Variants in TMEM218 observed in about 807,000 individuals in gnomAD.
TMEM218 encodes transmembrane protein 218.
In TMEM218, 8 loss-of-function variants were observed where a neutral mutation model predicts 10.0. That is an observed-to-expected ratio of 0.80 (90% confidence interval 0.47 to 1.44). TMEM218 has a LOEUF of 1.44. Ranked by LOEUF, TMEM218 falls within the 40% of genes most tolerant of loss-of-function variation. The probability of loss-of-function intolerance (pLI) is 0.00; values close to 1 mark genes in which losing one functional copy is unlikely to be tolerated. For missense variants in TMEM218, 110 were observed against 140.1 expected (o/e 0.79, Z 1.08); for synonymous variants, 66 against 63.5 (o/e 1.04, Z -0.18).
At chr11:125,111,062 G>A (rs1364308600) in intron 1 of TMEM218, among the ~76,000 whole-genome samples, 1 of 152,126 alleles carries the variant, frequency 6.6e-6, no homozygotes, top group Non-Finnish European at 1.5e-5. Context: ...GTAAACCTAG[G>A]TCTCTTCCTT....
intron 1 of TMEM218, among the ~76,000 whole-genome samples, chr11:125,107,632 GCTTT>G (rs1352587520): frequency 6.6e-6 from 1 of 152,048 alleles, no homozygotes; most frequent in Non-Finnish European, 1.5e-5. Context: ...GTTTCTAGGA[GCTTT>G]CTATTACCTC....
chr11:125,097,589 G>T lies in TMEM218; in HGVS notation c.*17C>A. The T allele has an allele frequency of 1.2e-6, 2 of 1,611,498 alleles. No homozygotes were observed. The highest frequency in any genetic ancestry group is 1.7e-4 in the Middle Eastern group (1 of 6,046). On this transcript the variant is annotated 3_prime_UTR_variant, in exon 5 of 5. Transcript: ENST00000682305. ...ACAATGAAGGAGAGAACAGGTTTTC[G>T]TTTTCCTGAAGAGTGGTCAGTAGGA...
intron 1 of TMEM218, among the ~76,000 whole-genome samples, chr11:125,110,032 T>C (rs971534712): frequency 6.6e-6 from 1 of 152,274 alleles, no homozygotes; most frequent in African/African-American, 2.4e-5. Context: ...AAGCAAACTA[T>C]ACATTTTCTT....
At chr11:125,109,494 A>G (rs368051939) in intron 1 of TMEM218, among the ~76,000 whole-genome samples, 1 of 152,268 alleles carries the variant, frequency 6.6e-6, no homozygotes, top group East Asian at 1.9e-4. Flanking sequence ...CAAAATGTTA[A>G]TATTTATTAA....
At chr11:125,111,037 G>T (rs1012016603) in intron 1 of TMEM218, among the ~76,000 whole-genome samples, 5 of 152,298 alleles carry the variant, frequency 3.3e-5, no homozygotes, top group Admixed American at 2.6e-4. Flanking sequence ...CACGTTGATA[G>T]AAAAAGGAGG....
At chr11:125,109,057 G>C (rs1047273171) in intron 1 of TMEM218, among the ~76,000 whole-genome samples, 1 of 152,058 alleles carries the variant, frequency 6.6e-6, no homozygotes, top group Non-Finnish European at 1.5e-5. Flanking sequence ...TTGCAGCTTT[G>C]TTTACAATAG....
At position 125,095,413 on chromosome 11, in the gene TMEM218, T is replaced by C. The variant is rs976085871; in HGVS notation, c.*2193A>G. On this transcript the variant is annotated 3_prime_UTR_variant, in exon 5 of 5. Coordinates refer to ENST00000682305, the MANE Select transcript of TMEM218 (RefSeq NM_001258244.2). ...ACAGGGTACCATAACAGACATTGACTATAGGGTTATCCCATGCCAAACTCT... is the reference window on the plus strand; with the variant it reads ...ACAGGGTACCATAACAGACATTGACCATAGGGTTATCCCATGCCAAACTCT... Among the ~76,000 whole-genome samples the C allele has an allele frequency of 1.3e-5, 2 of 152,248 alleles. No homozygotes were observed. The highest frequency in any genetic ancestry group is 2.4e-5 in the African/African-American group (1 of 41,462).
At chr11:125,101,557 C>A in intron 3 of TMEM218, 2 of 1,408,472 alleles carry the variant, frequency 1.4e-6, no homozygotes, top group Non-Finnish European at 1.9e-6. Flanking sequence ...ATTTTTACTT[C>A]TGCCCAAAGT....
At chr11:125,102,458 A>G (rs548574033) in intron 2 of TMEM218, 141 bp from the exon 3 acceptor site, 1 of 1,481,312 alleles carries the variant, frequency 6.8e-7, no homozygotes, top group Admixed American at 2.7e-5. Context: ...CTTAATGGAA[A>G]CTGGAAATTT....
At chr11:125,106,542 T>G (rs1483829712) in intron 1 of TMEM218, among the ~76,000 whole-genome samples, 1 of 152,132 alleles carries the variant, frequency 6.6e-6, no homozygotes, top group East Asian at 1.9e-4. Flanking sequence ...AATAAACACT[T>G]GAGAAAGAGG....
In TMEM218 at chr11:125,097,636, C is replaced by T. The variant is rs140125625; in HGVS notation, c.318G>A (p.Pro106=). 25 of 1,614,040 alleles carry T rather than the reference C, an allele frequency of 1.5e-5. No individual in the cohort carries two copies. Among genetic ancestry groups the T allele is most frequent in the South Asian group, 7.7e-5 (7 of 91,062 alleles). Residue 106 remains proline (P), a synonymous_variant, in exon 5 of 5, where the codon CCG becomes CCA. Transcript: ENST00000682305. The part of the protein sequence containing the change: ...FLVLIHYVLE[P]IYAKPLHSY Reference sequence around the variant, plus strand: ...AGGAGTGCAGTGGTTTGGCATAGATCGGCTCCAGAACATAATGGATTAAAA... The same window carrying T: ...AGGAGTGCAGTGGTTTGGCATAGATTGGCTCCAGAACATAATGGATTAAAA...
At chr11:125,107,793 ATG>A (rs200691937) in intron 1 of TMEM218, among the ~76,000 whole-genome samples, 5,749 of 87,930 alleles carry the variant, frequency 0.065, 366 homozygotes, top group African/African-American at 0.18. Context: ...AGATGTGGAT[ATG>A]TGTGTATATA....
Position 125,102,145 on chromosome 11 carries a change from A to G in TMEM218, c.97T>C (p.Ser33Pro), listed in dbSNP as rs781700494. The change falls in exon 3 of 5, where the codon TCC (serine) becomes CCC (proline). Residue 33 changes from serine to proline, a missense_variant. Transcript: ENST00000682305. Reference sequence around the variant, plus strand: ...AGAATGCCTTACCTCGCCGCCCCGGAGGCTCTGGACAGCAGCACACACAGC... The same window carrying G: ...AGAATGCCTTACCTCGCCGCCCCGGGGGCTCTGGACAGCAGCACACACAGC... ...LLLCVLLSRA[S>P]GAARFSVIFL... is the part of the protein sequence containing the mutation. 6.4e-7 allele frequency: 1 copy of G among 1,569,226 alleles called. No homozygotes were observed. The highest frequency in any genetic ancestry group is 2.3e-5 in the East Asian group (1 of 43,240).
chr11:125,095,459 CCT>C lies in TMEM218; in HGVS notation c.*2145_*2146del, dbSNP rs1949525108. ...ACTCTCAGTGAAATCCATTTTGAGC[CCT>C]CTCAGCCTTCTACGTCTTATCCCAA... is the stretch of plus-strand genomic sequence containing the variant. On this transcript the variant is annotated 3_prime_UTR_variant, in exon 5 of 5. Coordinates refer to ENST00000682305, the MANE Select transcript of TMEM218 (RefSeq NM_001258244.2). Among the ~76,000 whole-genome samples the C allele has an allele frequency of 6.6e-6, 1 of 152,144 alleles. No individual in the cohort carries two copies. Among genetic ancestry groups the C allele is most frequent in the Non-Finnish European group, 1.5e-5 (1 of 68,028 alleles).
intron 4 of TMEM218, among the ~76,000 whole-genome samples, chr11:125,100,870 C>T (rs1591378941): frequency 6.6e-6 from 1 of 152,184 alleles, no homozygotes; most frequent in South Asian, 2.1e-4. Flanking sequence ...GTGACTATCC[C>T]TATTTCATTT....
In TMEM218 at chr11:125,102,788, A is replaced by T. The variant is rs1024850385; in HGVS notation, c.-131T>A. On this transcript the variant is annotated 5_prime_UTR_variant, in exon 2 of 5. Coordinates refer to ENST00000682305, the MANE Select transcript of TMEM218 (RefSeq NM_001258244.2). ...CCACTCTGTTGTCGAGTTCTTATTCAAGAGGATGAAAACTCCCAGTCCTTA... is the reference window on the plus strand; with the variant it reads ...CCACTCTGTTGTCGAGTTCTTATTCTAGAGGATGAAAACTCCCAGTCCTTA... The T allele has an allele frequency of 5.3e-6, 6 of 1,139,384 alleles. No homozygotes were observed. In the African/African-American group the frequency reaches 9.8e-5, roughly 19 times the overall value. 70.6% of individuals were successfully genotyped at this position (1,139,384 alleles called of 1,614,324 possible).
intron 1 of TMEM218, chr11:125,104,836 CAATAA>C (rs1251315781): frequency 6.6e-6 from 1 of 152,078 alleles, no homozygotes; most frequent in African/African-American, 2.4e-5. Context: ...CATAAATGTT[CAATAA>C]AATAGAACAA....
chr11:125,100,297 C>T (rs570498832), intron 4 of TMEM218, among the ~76,000 whole-genome samples: 2 of 152,286 alleles, frequency 1.3e-5, no homozygotes, highest in East Asian at 3.9e-4. Context: ...TGCTATGTGA[C>T]CTTGGGCAAG....
intron 1 of TMEM218, among the ~76,000 whole-genome samples, chr11:125,107,005 A>G (rs1952336784): frequency 6.6e-6 from 1 of 152,336 alleles, no homozygotes; most frequent in East Asian, 1.9e-4. Flanking sequence ...AGCAATGAGA[A>G]TAGTATAAAG....
Sources: allele counts gnomAD v4.1 joint callset (sites outside exome capture counted in the v4.1 genomes callset), GRCh38; gene constraint gnomAD v4.1.1; transcripts MANE v1.5; gene names NCBI Gene and HGNC (gene_info 2026-07-23, HGNC 2026-07-21).